TGFA: variants seen among roughly 807,000 people sequenced by gnomAD.
The protein encoded by TGFA is protransforming growth factor alpha.
A neutral mutation model predicts 21.7 loss-of-function variants in TGFA; 12 were observed. The ratio of observed to expected loss-of-function variants is 0.55; its 90% CI spans 0.35 to 0.90. TGFA has a LOEUF of 0.90. Ranked by LOEUF, TGFA falls within the 40% of genes least tolerant of loss-of-function variation. TGFA has a pLI of 0.01. For synonymous variants in TGFA, 79 were observed against 88.1 expected (o/e 0.90, Z 0.58); for missense variants, 178 against 210.8 (o/e 0.84, Z 0.96).
chr2:70,477,466 G>A (rs1670973607), intron 2 of TGFA, among the ~76,000 whole-genome samples: 1 of 152,184 alleles, frequency 6.6e-6, no homozygotes, highest in Admixed American at 6.5e-5. Flanking sequence ...TCTGAAGGAG[G>A]CAGGGAATAT....
intron 1 of TGFA, among the ~76,000 whole-genome samples, chr2:70,546,083 T>C (rs1372232234): frequency 1.3e-5 from 2 of 152,194 alleles, no homozygotes; most frequent in Non-Finnish European, 2.9e-5. Flanking sequence ...TTATGGAAGA[T>C]CAAGAAAGTG....
At chr2:70,453,162 A>G (rs1574064122) in intron 5 of TGFA, 56 bp downstream of exon 5, 2 of 1,472,756 alleles carry the variant, frequency 1.4e-6, no homozygotes, top group East Asian at 2.3e-5. Flanking sequence ...TGACTTGGAG[A>G]AGGTGGTCGT....
At chr2:70,517,782 A>G (rs1281100480) in intron 1 of TGFA, among the ~76,000 whole-genome samples, 1 of 152,196 alleles carries the variant, frequency 6.6e-6, no homozygotes, top group African/African-American at 2.4e-5. Flanking sequence ...AGTTAGTCCA[A>G]ACAACAGACT....
intron 3 of TGFA, among the ~76,000 whole-genome samples, chr2:70,462,319 A>T (rs80162193): frequency 0.16 from 25,111 of 152,250 alleles, 2,217 homozygotes; most frequent in African/African-American, 0.2. Flanking sequence ...CTCACAAGCC[A>T]TCAGGGGGTA....
At chr2:70,485,007 C>A (rs562911633) in intron 2 of TGFA, among the ~76,000 whole-genome samples, 1 of 152,298 alleles carries the variant, frequency 6.6e-6, no homozygotes, top group Non-Finnish European at 1.5e-5. Context: ...CTCACTGCAA[C>A]CATTGATTCG....
chr2:70,449,637 GA>G lies in TGFA; in HGVS notation c.*1221del, dbSNP rs71710818. 53,076 of 243,762 alleles carry G rather than the reference GA, an allele frequency of 0.22. 6,688 individuals are homozygous for G. The highest frequency in any genetic ancestry group is 0.28 in the East Asian group (2,067 of 7,366). 15.1% of individuals were successfully genotyped at this position (243,762 alleles called of 1,614,324 possible). On this transcript the variant is annotated 3_prime_UTR_variant, in exon 6 of 6. Coordinates refer to ENST00000295400, the MANE Select transcript of TGFA (RefSeq NM_003236.4). ...AGCCGGCATCCTGAATGGAAATGAG[GA>G]AAAAAAAATTACTGGAATAGTTTTC...
chr2:70,540,620 C>T (rs976134558), intron 1 of TGFA, among the ~76,000 whole-genome samples: 5 of 152,152 alleles, frequency 3.3e-5, no homozygotes, highest in Admixed American at 1.3e-4. Context: ...AAAATCATTT[C>T]TACCCCAAGA....
rs566986170 is a variant in TGFA at position 70,473,143 on chromosome 2, T to G, written c.95-7407A>C. Among the ~76,000 whole-genome samples, 204 of 152,206 alleles carry G rather than the reference T, an allele frequency of 1.3e-3. 1 individual carries two copies. The highest frequency in any genetic ancestry group is 4.7e-3 in the African/African-American group (197 of 41,520). On this transcript the variant is annotated intron_variant, in intron 2 of 5. Coordinates refer to ENST00000295400, the MANE Select transcript of TGFA (RefSeq NM_003236.4). ...AGTCACCCAAAGCTCTGGACTCAGC[T>G]CTGGGATGGGAGGCTGGCTTCAGGG...
At chr2:70,467,587 G>C (rs1203980216) in intron 2 of TGFA, 2 of 152,194 alleles carry the variant, frequency 1.3e-5, no homozygotes, top group African/African-American at 4.8e-5. Flanking sequence ...AGTCTCCACT[G>C]CTTCTTTCAA....
At chr2:70,523,632 G>A (rs1672546190) in intron 1 of TGFA, among the ~76,000 whole-genome samples, 1 of 152,092 alleles carries the variant, frequency 6.6e-6, no homozygotes, top group South Asian at 2.1e-4. Context: ...AGAGCTCCCT[G>A]CCTGCACCTC....
chr2:70,475,736 C>T (rs1670900817), intron 2 of TGFA, among the ~76,000 whole-genome samples: 1 of 152,120 alleles, frequency 6.6e-6, no homozygotes, highest in African/African-American at 2.4e-5. Context: ...TCAGTGGAAT[C>T]ATGTTAAGTG....
intron 1 of TGFA, among the ~76,000 whole-genome samples, chr2:70,517,891 C>A (rs1316041692): frequency 6.6e-6 from 1 of 152,252 alleles, no homozygotes; most frequent in African/African-American, 2.4e-5. Context: ...CTGCCATGAA[C>A]AAGGTCTAAT....
chr2:70,481,050 T>C (rs1208096412), intron 2 of TGFA, among the ~76,000 whole-genome samples: 1 of 152,200 alleles, frequency 6.6e-6, no homozygotes, highest in Non-Finnish European at 1.5e-5. Context: ...CTCCAAGCCA[T>C]ACTGGTTCAG....
In TGFA at chr2:70,503,212, G is replaced by C. The variant is rs569121019; in HGVS notation, c.94+11647C>G. Among the ~76,000 whole-genome samples the C allele has an allele frequency of 1.4e-4, 21 of 152,202 alleles. No homozygotes were observed. The South Asian group carries it at 4.4e-3, about 32-fold the overall frequency. ...ATGATAGACTGGATTAAGAAGATGT[G>C]GCACATATACACCATGGAACACTGT... On this transcript the variant is annotated intron_variant, in intron 2 of 5. Coordinates refer to ENST00000295400, the MANE Select transcript of TGFA (RefSeq NM_003236.4).
chr2:70,449,346 TA>T lies in TGFA; in HGVS notation c.*1512del, dbSNP rs1262502162. On this transcript the variant is annotated 3_prime_UTR_variant, in exon 6 of 6. Transcript: ENST00000295400. ...CTAGGTGCACTTAAGAGTTAATACA[TA>T]GAAATCTTTCACTTTTCAGATATTA... 1 of 152,496 alleles carries T rather than the reference TA, an allele frequency of 6.6e-6. No individual in the cohort carries two copies. The highest frequency in any genetic ancestry group is 1.5e-5 in the Non-Finnish European group (1 of 68,240). 9.4% of individuals were successfully genotyped at this position (152,496 alleles called of 1,614,324 possible).
At chr2:70,462,332 G>C (rs1670428623) in intron 3 of TGFA, among the ~76,000 whole-genome samples, 2 of 152,236 alleles carry the variant, frequency 1.3e-5, no homozygotes, top group African/African-American at 4.8e-5. Flanking sequence ...AGGGGGTAAG[G>C]AGTGCCGTCA....
chr2:70,512,619 T>A (rs1553501079), intron 2 of TGFA, among the ~76,000 whole-genome samples: 2 of 152,234 alleles, frequency 1.3e-5, no homozygotes, highest in Non-Finnish European at 2.9e-5. Flanking sequence ...TGTTCACGAC[T>A]GCAAAAAGAA....
intron 3 of TGFA, among the ~76,000 whole-genome samples, chr2:70,461,210 GTCC>G (rs1228011968): frequency 2.6e-5 from 4 of 152,174 alleles, no homozygotes; most frequent in Non-Finnish European, 5.9e-5. Context: ...TAACTGTGCT[GTCC>G]TCCTGCCTGG....
chr2:70,537,850 C>A (rs1246406628), intron 1 of TGFA, among the ~76,000 whole-genome samples: 1 of 152,202 alleles, frequency 6.6e-6, no homozygotes, highest in Non-Finnish European at 1.5e-5. Context: ...ATGAAGGTGG[C>A]TACTCTGCAC....
Sources: gnomAD v4.1 joint callset for allele counts (sites outside exome capture counted in the v4.1 genomes callset) on GRCh38, gnomAD v4.1.1 for gene constraint, MANE v1.5 for transcripts, NCBI Gene and HGNC (gene_info 2026-07-23, HGNC 2026-07-21) for gene names.